B3GALT1: variants seen among roughly 807,000 people sequenced by gnomAD.
B3GALT1 encodes UDP-Gal:betaGlcNAc beta 1,3-galactosyltransferase, polypeptide 1.
A neutral mutation model predicts 23.2 loss-of-function variants in B3GALT1; 10 were observed. The ratio of observed to expected loss-of-function variants is 0.43; its 90% CI spans 0.27 to 0.73. The LOEUF is 0.73. Among genes scored for constraint, B3GALT1 ranks in the 30% least tolerant of loss-of-function variants. The pLI is 0.21. For missense variants in B3GALT1, 299 were observed against 405.4 expected, an observed-to-expected ratio of 0.74 and a Z score of 2.25; for synonymous variants, 156 against 141.5, an observed-to-expected ratio of 1.10 and a Z score of -0.73.
At chr2:167,716,228 C>G (rs1259756409) in intron 3 of B3GALT1, among the ~76,000 whole-genome samples, 4 of 152,228 alleles carry the variant, frequency 2.6e-5, no homozygotes, top group Admixed American at 2.6e-4. Context: ...CGGGCACCCC[C>G]CACAGGCCTC....
chr2:167,658,451 C>T (rs1040269767), intron 3 of B3GALT1, among the ~76,000 whole-genome samples: 3 of 151,540 alleles, frequency 2.0e-5, no homozygotes, highest in Non-Finnish European at 2.9e-5. Flanking sequence ...TATAGAACAA[C>T]TTTATAGAAC....
intron 2 of B3GALT1, among the ~76,000 whole-genome samples, chr2:167,500,635 G>GAA (rs11421714): frequency 2.3e-4 from 34 of 149,758 alleles, no homozygotes; most frequent in South Asian, 1.1e-3. Context: ...GACTTATAAG[G>GAA]AAAAAAAAAA....
At chr2:167,521,043 T>C (rs1416186152) in intron 2 of B3GALT1, among the ~76,000 whole-genome samples, 2 of 152,090 alleles carry the variant, frequency 1.3e-5, no homozygotes, top group Admixed American at 1.3e-4. Context: ...TGCAACATCT[T>C]CTTTTTCCTT....
At chr2:167,793,212 C>A (rs1356659332) in intron 3 of B3GALT1, among the ~76,000 whole-genome samples, 3 of 152,130 alleles carry the variant, frequency 2.0e-5, no homozygotes, top group African/African-American at 7.2e-5. Flanking sequence ...CAGTTCCAAG[C>A]ATCAACACGT....
chr2:167,378,317 T>C (rs953807993), intron 1 of B3GALT1, among the ~76,000 whole-genome samples: 4 of 152,056 alleles, frequency 2.6e-5, no homozygotes, highest in Non-Finnish European at 4.4e-5. Context: ...TGTTCATTTT[T>C]TGTAGTATCT....
chr2:167,378,010 G>A (rs561931589), intron 1 of B3GALT1, among the ~76,000 whole-genome samples: 62 of 152,290 alleles, frequency 4.1e-4, no homozygotes, highest in African/African-American at 1.4e-3. Context: ...TGTAAGGCCA[G>A]TATGTTGGTA....
intron 1 of B3GALT1, among the ~76,000 whole-genome samples, chr2:167,328,305 C>T (rs971515397): frequency 1.3e-5 from 2 of 152,070 alleles, no homozygotes; most frequent in Non-Finnish European, 2.9e-5. Flanking sequence ...GGTGTTAGTT[C>T]ATCTTTATAC....
At chr2:167,443,638 G>A (rs556369624) in intron 1 of B3GALT1, among the ~76,000 whole-genome samples, 2 of 152,140 alleles carry the variant, frequency 1.3e-5, no homozygotes, top group Non-Finnish European at 2.9e-5. Context: ...AAGCAATTGT[G>A]AATGGGAGTT....
At chr2:167,747,417 C>G (rs1687668826) in intron 3 of B3GALT1, among the ~76,000 whole-genome samples, 1 of 152,132 alleles carries the variant, frequency 6.6e-6, no homozygotes, top group East Asian at 1.9e-4. Flanking sequence ...ATCATTCCAG[C>G]AGAATTAGGC....
chr2:167,571,410 G>C (rs901476224), intron 2 of B3GALT1, among the ~76,000 whole-genome samples: 2 of 151,878 alleles, frequency 1.3e-5, no homozygotes, highest in East Asian at 1.9e-4. Flanking sequence ...CCACATGTTT[G>C]ATAGGCCTGG....
chr2:167,338,911 AAAATG>A (rs1697103523), intron 1 of B3GALT1, among the ~76,000 whole-genome samples: 1 of 152,296 alleles, frequency 6.6e-6, no homozygotes, highest in East Asian at 1.9e-4. Context: ...TTAAATTTAA[AAAATG>A]AAATGAGATG....
intron 2 of B3GALT1, among the ~76,000 whole-genome samples, chr2:167,522,141 A>G (rs1218612376): frequency 1.3e-5 from 2 of 151,914 alleles, no homozygotes; most frequent in Non-Finnish European, 2.9e-5. Context: ...GACCTCTGCC[A>G]TAAGGCTTCT....
intron 1 of B3GALT1, among the ~76,000 whole-genome samples, chr2:167,299,244 C>G (rs1057052075): frequency 2.0e-5 from 3 of 152,126 alleles, no homozygotes; most frequent in African/African-American, 7.2e-5. Context: ...CCCTAGCACC[C>G]AGGCAAAAAC....
chr2:167,440,304 C>T (rs1195191596), intron 1 of B3GALT1, among the ~76,000 whole-genome samples: 2 of 143,104 alleles, frequency 1.4e-5, no homozygotes, highest in Non-Finnish European at 3.0e-5. Context: ...GATTGCACCA[C>T]TGCACACTCC....
intron 3 of B3GALT1, among the ~76,000 whole-genome samples, chr2:167,648,948 G>A (rs1403898371): frequency 6.6e-6 from 1 of 151,978 alleles, no homozygotes; most frequent in African/African-American, 2.4e-5. Flanking sequence ...AATTGCATTG[G>A]CTTCTGCCTG....
intron 3 of B3GALT1, among the ~76,000 whole-genome samples, chr2:167,818,446 T>A (rs1245656666): frequency 6.6e-6 from 1 of 152,214 alleles, no homozygotes; most frequent in African/African-American, 2.4e-5. Flanking sequence ...TGAAGGCATC[T>A]GAGTTTGTAA....
intron 3 of B3GALT1, chr2:167,715,260 C>T (rs1392657750): frequency 6.2e-7 from 1 of 1,613,812 alleles, no homozygotes; most frequent in African/African-American, 1.3e-5. Context: ...GGCAAGTGTC[C>T]AGTCAGGGTC....
At position 167,352,581 on chromosome 2, in the gene B3GALT1, C is replaced by T. The variant is rs370532335; in HGVS notation, c.-511+59247C>T. ...AAAAAAAAAAAAAAAAAATGCTGGG[C>T]GTGGTGGCGGGTGCCTGTAGTTCCA... is the stretch of plus-strand genomic sequence containing the variant. On this transcript the variant is annotated intron_variant, in intron 1 of 4. Transcript: ENST00000392690. Among the ~76,000 whole-genome samples the T allele has an allele frequency of 7.4e-5, 11 of 148,370 alleles. No individual in the cohort carries two copies. The South Asian group carries it at 8.6e-4, about 12-fold the overall frequency.
In B3GALT1 at chr2:167,639,370, T is replaced by G. The variant is rs149068395; in HGVS notation, c.-409-7539T>G. 7.4e-4 allele frequency among the ~76,000 whole-genome samples: 113 copies of G among 152,106 alleles called. No homozygotes were observed. The East Asian group carries it at 0.012, about 17-fold the overall frequency. The stretch of plus-strand genomic sequence containing the variant: ...TGAGAATTAATCTACATTTTAGTAA[T>G]GAGTTTGTATTCTTAATCTAAATGT... On this transcript the variant is annotated intron_variant, in intron 2 of 4. Coordinates refer to ENST00000392690, the MANE Select transcript of B3GALT1 (RefSeq NM_020981.4).
Sources: gnomAD v4.1 joint callset for allele counts (sites outside exome capture counted in the v4.1 genomes callset) on GRCh38, gnomAD v4.1.1 for gene constraint, MANE v1.5 for transcripts, NCBI Gene and HGNC (gene_info 2026-07-23, HGNC 2026-07-21) for gene names.